The following GLRA2 variants were observed in gnomAD, a reference collection of about 807,000 sequenced individuals.
GLRA2 encodes glycine receptor subunit alpha-2.
GLRA2 carries 11 observed loss-of-function variants against 31.6 expected under a neutral mutation model. The observed-to-expected ratio is 0.35, with a 90% CI of 0.22 to 0.58. GLRA2 has a LOEUF of 0.58. GLRA2 is among the 20% of genes least tolerant of loss of function. The pLI is 0.84. For missense variants in GLRA2, 212 were observed against 351.8 expected (o/e 0.60, Z 3.18); for synonymous variants, 132 against 134.0 (o/e 0.99, Z 0.10).
chrX:14,521,841 TA>T, the GLRA2 span, among the ~76,000 whole-genome samples: 2 of 112,349 alleles, frequency 1.8e-5, no homozygotes, highest in East Asian at 5.6e-4. Context: ...TACCTTAATT[TA>T]AAAAATACAT....
chrX:14,529,509 T>G (rs1400117802), upstream of GLRA2: 2 of 111,840 alleles, frequency 1.8e-5, no homozygotes, highest in Admixed American at 9.6e-5. Context: ...GTGCTGAAAT[T>G]TATAGGCTGG....
intron 7 of GLRA2, among the ~76,000 whole-genome samples, chrX:14,687,936 C>T (rs1237434182): frequency 8.9e-6 from 1 of 112,021 alleles, no homozygotes; most frequent in South Asian, 3.7e-4. Flanking sequence ...GTGGTTTTAT[C>T]TACCTTTGGT....
the GLRA2 span, among the ~76,000 whole-genome samples, chrX:14,498,356 CATTT>C: frequency 9.0e-6 from 1 of 111,039 alleles, no homozygotes; most frequent in Non-Finnish European, 1.9e-5. Flanking sequence ...GAAAATGTAA[CATTT>C]ATTTAAAAGA....
chrX:14,646,732 G>A (rs2090835905), intron 7 of GLRA2, among the ~76,000 whole-genome samples: 1 of 111,794 alleles, frequency 8.9e-6, no homozygotes, highest in African/African-American at 3.3e-5. Flanking sequence ...GAAGACTTAG[G>A]GTGATATAGT....
At chrX:14,508,522 G>T in the GLRA2 span, among the ~76,000 whole-genome samples, 1 of 111,801 alleles carries the variant, frequency 8.9e-6, no homozygotes, top group Non-Finnish European at 1.9e-5. Context: ...TCCTTATGGA[G>T]ACATTTAATT....
intron 4 of GLRA2, among the ~76,000 whole-genome samples, chrX:14,597,091 C>G (rs2090215145): frequency 8.9e-6 from 1 of 111,927 alleles, no homozygotes; most frequent in Admixed American, 9.5e-5. Flanking sequence ...GTTAAGATGA[C>G]ACTCTTGTTT....
intron 4 of GLRA2, among the ~76,000 whole-genome samples, chrX:14,581,824 T>C: frequency 9.3e-6 from 1 of 107,894 alleles, no homozygotes; most frequent in Non-Finnish European, 1.9e-5. Context: ...TAGCTCAGCA[T>C]AGTCATTAAC....
At chrX:14,579,986 T>TC (rs898263291) in intron 3 of GLRA2, among the ~76,000 whole-genome samples, 1 of 112,248 alleles carries the variant, frequency 8.9e-6, no homozygotes, top group Non-Finnish European at 1.9e-5. Context: ...ATTATTTTTT[T>TC]CCCTTTTGAT....
chrX:14,539,228 T>C (rs368969101), intron 2 of GLRA2, among the ~76,000 whole-genome samples: 9 of 111,165 alleles, frequency 8.1e-5, no homozygotes, highest in East Asian at 5.7e-4. Flanking sequence ...ATATTTTTCT[T>C]GGTGTGTTGC....
At chrX:14,493,606 C>T in the GLRA2 span, among the ~76,000 whole-genome samples, 5 of 99,363 alleles carry the variant, frequency 5.0e-5, no homozygotes, top group African/African-American at 1.2e-4. Context: ...CATATATACA[C>T]ATATACACAT....
the GLRA2 span, among the ~76,000 whole-genome samples, chrX:14,508,601 T>C: frequency 9.0e-6 from 1 of 111,676 alleles, no homozygotes; most frequent in African/African-American, 3.3e-5. Flanking sequence ...TTAGGGTCAA[T>C]TGATGGCTGA....
At chrX:14,682,187 T>C (rs188930153) in intron 7 of GLRA2, among the ~76,000 whole-genome samples, 127 of 108,300 alleles carry the variant, frequency 1.2e-3, no homozygotes, top group African/African-American at 4.0e-3. Context: ...CCCAGGGGAA[T>C]TGATATCTTG....
intron 2 of GLRA2, among the ~76,000 whole-genome samples, chrX:14,532,602 T>C (rs901845261): frequency 5.4e-5 from 6 of 111,894 alleles, no homozygotes; most frequent in Non-Finnish European, 1.1e-4. Flanking sequence ...ATAAAACTAG[T>C]GTCATAAATT....
chrX:14,466,983 T>C, the GLRA2 span, among the ~76,000 whole-genome samples: 14 of 111,972 alleles, frequency 1.3e-4, no homozygotes, highest in East Asian at 3.9e-3. Context: ...ATAGCTCTGG[T>C]TGATTCTGAC....
At chrX:14,610,733 A>G (rs2090387819) in intron 7 of GLRA2, among the ~76,000 whole-genome samples, 1 of 112,313 alleles carries the variant, frequency 8.9e-6, no homozygotes, top group Admixed American at 9.4e-5. Flanking sequence ...GTAAGCATAT[A>G]ATGTCAAAAT....
At chrX:14,481,183 G>T in the GLRA2 span, among the ~76,000 whole-genome samples, 4,290 of 111,074 alleles carry the variant, frequency 0.039, 217 homozygotes, top group African/African-American at 0.13. Flanking sequence ...AATGTTGTTG[G>T]TGTGTAGAAA....
chrX:14,628,112 A>T (rs968481115), intron 7 of GLRA2, among the ~76,000 whole-genome samples: 1 of 111,471 alleles, frequency 9.0e-6, no homozygotes, highest in African/African-American at 3.3e-5. Context: ...ATTTTGGGGT[A>T]TACTAATGTC....
At chrX:14,712,447 G>A (rs1299161255) in intron 8 of GLRA2, among the ~76,000 whole-genome samples, 2 of 110,514 alleles carry the variant, frequency 1.8e-5, no homozygotes, top group Non-Finnish European at 3.8e-5. Context: ...GCAGGATTTT[G>A]TCTTCTTTAT....
chrX:14,493,219 AAAT>A, the GLRA2 span, among the ~76,000 whole-genome samples: 1 of 111,010 alleles, frequency 9.0e-6, no homozygotes, highest in Non-Finnish European at 1.9e-5. Context: ...AGTGGAAAAA[AAAT>A]GTTTTTCTAT....
Sources: allele counts gnomAD v4.1 joint callset (sites outside exome capture counted in the v4.1 genomes callset), GRCh38; gene constraint gnomAD v4.1.1; transcripts MANE v1.5; gene names NCBI Gene and HGNC (gene_info 2026-07-23, HGNC 2026-07-21).